STK32B: variants seen among roughly 807,000 people sequenced by gnomAD.
The protein encoded by STK32B is serine/threonine-protein kinase 32B.
In STK32B, 43 loss-of-function variants were observed where a neutral mutation model predicts 52.6. The observed-to-expected ratio is 0.82, with a 90% CI of 0.64 to 1.05. The LOEUF (loss-of-function observed/expected upper bound fraction) is 1.05, where lower values mean the gene tolerates loss of function less well. Ranked by LOEUF, STK32B falls within the 50% of genes least tolerant of loss-of-function variation. STK32B has a pLI of 0.00. For missense variants in STK32B, 621 were observed against 534.6 expected, an observed-to-expected ratio of 1.16 and a Z score of -1.59; for synonymous variants, 238 against 204.3, an observed-to-expected ratio of 1.17 and a Z score of -1.41.
At chr4:5,232,819 T>G (rs1031236691) in intron 3 of STK32B, among the ~76,000 whole-genome samples, 1 of 152,154 alleles carries the variant, frequency 6.6e-6, no homozygotes, top group Non-Finnish European at 1.5e-5. Context: ...CCCACACCAA[T>G]AGGTTCTGTT....
intron 3 of STK32B, among the ~76,000 whole-genome samples, chr4:5,291,504 A>T (rs1193943486): frequency 1.3e-5 from 2 of 152,124 alleles, no homozygotes; most frequent in Non-Finnish European, 2.9e-5. Flanking sequence ...TATATTAATT[A>T]TGTTTGCTGC....
chr4:5,022,064 C>G, the STK32B span, among the ~76,000 whole-genome samples: 1 of 152,174 alleles, frequency 6.6e-6, no homozygotes, highest in African/African-American at 2.4e-5. Context: ...CCAACACACA[C>G]AAGCTTGCCT....
At chr4:5,024,523 A>G in the STK32B span, among the ~76,000 whole-genome samples, 1 of 152,204 alleles carries the variant, frequency 6.6e-6, no homozygotes, top group South Asian at 2.1e-4. Flanking sequence ...CACATATACC[A>G]TTAGCTCCAT....
At chr4:5,414,026 A>T (rs749674629) in intron 5 of STK32B, among the ~76,000 whole-genome samples, 1 of 152,214 alleles carries the variant, frequency 6.6e-6, no homozygotes, top group Non-Finnish European at 1.5e-5. Context: ...TTCTTGTCAC[A>T]TATTCTATAG....
At chr4:5,029,928 G>T in the STK32B span, among the ~76,000 whole-genome samples, 1 of 152,190 alleles carries the variant, frequency 6.6e-6, no homozygotes, top group African/African-American at 2.4e-5. Context: ...CTATTCTCAT[G>T]ATAGTGAATG....
At chr4:5,321,875 G>A (rs1254398919) in intron 3 of STK32B, among the ~76,000 whole-genome samples, 3 of 152,052 alleles carry the variant, frequency 2.0e-5, no homozygotes, top group Admixed American at 6.6e-5. Context: ...CTTGGTCTAC[G>A]GGAGGCCATT....
At chr4:5,330,348 G>A (rs972618706) in intron 3 of STK32B, among the ~76,000 whole-genome samples, 5 of 152,168 alleles carry the variant, frequency 3.3e-5, no homozygotes, top group African/African-American at 1.2e-4. Context: ...AACAATCTCA[G>A]ATTCTATGTG....
Position 5,416,935 on chromosome 4 carries a change from G to A in STK32B, c.562+1G>A, listed in dbSNP as rs753941761. ...ATGGCTGGCACCAAGCCCTACATGG[G>A]TGAGTGTTCCAGGCCCCTTCTTTTC... On this transcript the variant is annotated splice_donor_variant, in intron 6 of 11. Transcript: ENST00000282908. LOFTEE classifies it high-confidence loss of function. 1.2e-6 allele frequency: 2 copies of A among 1,611,514 alleles called. No individual in the cohort carries two copies. Among genetic ancestry groups the A allele is most frequent in the Non-Finnish European group, 1.7e-6 (2 of 1,178,800 alleles).
chr4:5,317,113 T>TATATG (rs1731026693), intron 3 of STK32B, among the ~76,000 whole-genome samples: 1 of 40,746 alleles, frequency 2.5e-5, no homozygotes, highest in South Asian at 1.3e-3. Flanking sequence ...ATATATAATA[T>TATATG]ATATAATACA....
intron 4 of STK32B, among the ~76,000 whole-genome samples, chr4:5,392,923 T>C (rs1328785623): frequency 1.3e-5 from 2 of 152,248 alleles, no homozygotes; most frequent in African/African-American, 2.4e-5. Context: ...CTGTTTGTAC[T>C]TGGTCCCCAT....
At chr4:5,042,694 T>C in the STK32B span, among the ~76,000 whole-genome samples, 11 of 152,266 alleles carry the variant, frequency 7.2e-5, no homozygotes, top group Middle Eastern at 3.4e-3. Flanking sequence ...GGCTTCCTGA[T>C]TGAAAATGAA....
chr4:5,141,302 G>A (rs564836831), intron 2 of STK32B, among the ~76,000 whole-genome samples: 1 of 152,326 alleles, frequency 6.6e-6, no homozygotes, highest in South Asian at 2.1e-4. Context: ...TGTGAGCAGA[G>A]ACCTGAAGGA....
chr4:5,140,889 T>C (rs1577098375), intron 2 of STK32B, among the ~76,000 whole-genome samples: 1 of 152,324 alleles, frequency 6.6e-6, no homozygotes, highest in East Asian at 1.9e-4. Flanking sequence ...TCTTTTCTCA[T>C]AGTGCTTATA....
At chr4:5,493,818 G>T (rs1719956297) in intron 11 of STK32B, among the ~76,000 whole-genome samples, 1 of 152,196 alleles carries the variant, frequency 6.6e-6, no homozygotes, top group South Asian at 2.1e-4. Flanking sequence ...CTTTATTTCT[G>T]CCTTCATTTC....
Position 5,467,075 on chromosome 4 carries a change from A to G in STK32B, c.1041+241A>G, listed in dbSNP as rs1717498305. On this transcript the variant is annotated intron_variant, in intron 10 of 11. Transcript: ENST00000282908. The surrounding 1 kb of genome is among the most constrained non-coding windows in gnomAD (Gnocchi z 5.8). Reference sequence around the variant, plus strand: ...CAGGAAGCTTGTGTAGCTCTAAGGCAGGGGGAGGGACCCAGCGGTCCCACT... The same window carrying G: ...CAGGAAGCTTGTGTAGCTCTAAGGCGGGGGGAGGGACCCAGCGGTCCCACT... Among the ~76,000 whole-genome samples the G allele has an allele frequency of 6.6e-6, 1 of 152,112 alleles. No individual in the cohort carries two copies. The highest frequency in any genetic ancestry group is 2.4e-5 in the African/African-American group (1 of 41,418).
intron 4 of STK32B, among the ~76,000 whole-genome samples, chr4:5,377,643 G>A (rs1476367536): frequency 6.6e-6 from 1 of 152,172 alleles, no homozygotes; most frequent in Non-Finnish European, 1.5e-5. Flanking sequence ...GAGGACCCAG[G>A]TAGGAGGTGA....
intron 4 of STK32B, among the ~76,000 whole-genome samples, chr4:5,355,420 C>A (rs1734105518): frequency 6.6e-6 from 1 of 152,156 alleles, no homozygotes; most frequent in Non-Finnish European, 1.5e-5. Context: ...CATATGTTTT[C>A]TACCTCTCTT....
intron 6 of STK32B, among the ~76,000 whole-genome samples, chr4:5,430,062 T>C (rs1354004147): frequency 6.6e-6 from 1 of 152,180 alleles, no homozygotes; most frequent in East Asian, 1.9e-4. Flanking sequence ...TGGATTTGTT[T>C]TCTTTTTGAT....
At chr4:5,100,535 CT>C (rs1713681571) in intron 1 of STK32B, among the ~76,000 whole-genome samples, 1 of 136,730 alleles carries the variant, frequency 7.3e-6, no homozygotes, top group Non-Finnish European at 1.6e-5. Flanking sequence ...TCTTTCCTTC[CT>C]TCCTTTCCTC....
Sources: gnomAD v4.1 joint callset for allele counts (sites outside exome capture counted in the v4.1 genomes callset) on GRCh38, gnomAD v4.1.1 for gene constraint, Gnocchi (gnomAD v3.1) non-coding constraint, MANE v1.5 for transcripts, NCBI Gene and HGNC (gene_info 2026-07-23, HGNC 2026-07-21) for gene names.